ANK3: variants seen among roughly 807,000 people sequenced by gnomAD.
ANK3 encodes ankyrin-3.
Under a neutral mutation model 370.9 loss-of-function variants are expected in ANK3, and 57 were observed. That is an observed-to-expected ratio of 0.15 (90% CI 0.12 to 0.19). The LOEUF is 0.19. Among genes scored for constraint, ANK3 ranks in the 10% least tolerant of loss-of-function variants. The pLI is 1.00. For missense variants in ANK3, 4,439 were observed against 5,302.1 expected, an observed-to-expected ratio of 0.84 and a Z score of 5.06; for synonymous variants, 1,929 against 1,946.3, an observed-to-expected ratio of 0.99 and a Z score of 0.23.
chr10:60,379,567 A>C (rs2061278693), intron 1 of ANK3, among the ~76,000 whole-genome samples: 1 of 152,174 alleles, frequency 6.6e-6, no homozygotes, highest in African/African-American at 2.4e-5. Context: ...CATTTGTAGC[A>C]ACATGGGCAG....
At chr10:60,159,168 C>T (rs1480573160) in intron 23 of ANK3, among the ~76,000 whole-genome samples, 1 of 152,026 alleles carries the variant, frequency 6.6e-6, no homozygotes, top group Non-Finnish European at 1.5e-5. Flanking sequence ...AAAAACAAGA[C>T]TGAACGATAT....
chr10:60,386,891 G>A (rs2062426666), intron 1 of ANK3, among the ~76,000 whole-genome samples: 1 of 152,156 alleles, frequency 6.6e-6, no homozygotes, highest in Non-Finnish European at 1.5e-5. Context: ...CCGGTGTGGT[G>A]GCTCACGCCT....
At chr10:60,136,344 G>A (rs1184193500) in intron 24 of ANK3, among the ~76,000 whole-genome samples, 1 of 152,164 alleles carries the variant, frequency 6.6e-6, no homozygotes, top group Non-Finnish European at 1.5e-5. Flanking sequence ...GTAACTATAG[G>A]TGGCTAGTGG....
chr10:60,274,878 T>A (rs1202078206), intron 4 of ANK3, among the ~76,000 whole-genome samples: 1 of 152,226 alleles, frequency 6.6e-6, no homozygotes, highest in Non-Finnish European at 1.5e-5. Flanking sequence ...CATAACCATT[T>A]AGTTATGATT....
At chr10:60,441,025 G>C (rs1044478834) in intron 2 of ANK3, among the ~76,000 whole-genome samples, 3 of 152,164 alleles carry the variant, frequency 2.0e-5, no homozygotes, top group African/African-American at 7.2e-5. Context: ...GCTGATTTAG[G>C]AGTATTGCCT....
intron 2 of ANK3, among the ~76,000 whole-genome samples, chr10:60,516,932 CTA>C (rs2076233001): frequency 6.6e-6 from 1 of 152,010 alleles, no homozygotes; most frequent in Non-Finnish European, 1.5e-5. Context: ...TCGTTGCAGA[CTA>C]AGGAAAATAC....
At chr10:60,686,879 T>C (rs1001544451) in intron 1 of ANK3, among the ~76,000 whole-genome samples, 1 of 152,154 alleles carries the variant, frequency 6.6e-6, no homozygotes, top group Non-Finnish European at 1.5e-5. Context: ...CCCTGCAAAA[T>C]AGAGTAAAGT....
chr10:60,549,611 G>A (rs1429934961), intron 2 of ANK3, among the ~76,000 whole-genome samples: 1 of 152,032 alleles, frequency 6.6e-6, no homozygotes, highest in Non-Finnish European at 1.5e-5. Flanking sequence ...ACATGAATCT[G>A]CCCAGAATTC....
At chr10:60,314,962 C>T (rs78254522) in intron 1 of ANK3, among the ~76,000 whole-genome samples, 2,578 of 152,318 alleles carry the variant, frequency 0.017, 27 homozygotes, top group Non-Finnish European at 0.028. Flanking sequence ...AAAGTTCTTA[C>T]GTTGGCTTAG....
intron 1 of ANK3, among the ~76,000 whole-genome samples, chr10:60,648,876 CTG>C (rs1272817522): frequency 6.6e-6 from 1 of 150,894 alleles, no homozygotes; most frequent in East Asian, 1.9e-4. Context: ...GCTCCTGCTC[CTG>C]CTCCTGCTCC....
chr10:60,152,479 G>A (rs2095175280), intron 23 of ANK3, among the ~76,000 whole-genome samples: 1 of 151,990 alleles, frequency 6.6e-6, no homozygotes, highest in African/African-American at 2.4e-5. Context: ...ATGAGTATTA[G>A]GATGAAATAA....
chr10:60,349,192 T>C (rs1457638783), intron 1 of ANK3, among the ~76,000 whole-genome samples: 1 of 152,228 alleles, frequency 6.6e-6, no homozygotes, highest in Non-Finnish European at 1.5e-5. Context: ...ATTTTGCTTT[T>C]CATTTGCTAC....
rs2079877847 is a variant in ANK3, at chr10:60,059,351, T to A, written c.12675A>T (p.Arg4225=). The A allele has an allele frequency of 6.2e-7, 1 of 1,614,040 alleles. No individual in the cohort carries two copies. The highest frequency in any genetic ancestry group is 8.5e-7 in the Non-Finnish European group (1 of 1,179,934). ...TGAAACAGCCATACCTGTCATCCAG[T>A]CGATCTAGTAACCCACCAGTTACTC... The part of the protein sequence containing the change: ...ARRVTGGLLD[R]LDDSPDQCRD... Residue 4225 remains arginine (R), a synonymous_variant, in exon 41 of 44, where the codon CGA becomes CGT. Coordinates refer to ENST00000280772, the MANE Select transcript of ANK3 (RefSeq NM_020987.5).
rs550132966 is a variant in ANK3 at position 60,097,367 on chromosome 10, C to T, written c.3328+8538G>A. On this transcript the variant is annotated intron_variant, in intron 28 of 43. Transcript: ENST00000280772. ...TGAATAGATTTGCAAATGCCGTGGT[C>T]GAAAAGGTGACCTGACTTCTCATTG... 7.2e-5 allele frequency among the ~76,000 whole-genome samples: 11 copies of T among 152,188 alleles called. No individual in the cohort carries two copies. In the East Asian group the frequency reaches 1.7e-3, roughly 24 times the overall value.
At position 60,387,452 on chromosome 10, in the gene ANK3, G is replaced by A. The variant is rs75117621; in HGVS notation, c.114+1973C>T. Among the ~76,000 whole-genome samples, 10 of 151,364 alleles carry A rather than the reference G, an allele frequency of 6.6e-5. No individual in the cohort carries two copies. In the East Asian group the frequency reaches 2.0e-3, roughly 30 times the overall value. ...GTCTTAACTTTGTACATTACAAGTA[G>A]TATATGAAATAATTGGACTATGAAT... On this transcript the variant is annotated intron_variant, in intron 1 of 43. Coordinates refer to ENST00000280772, the MANE Select transcript of ANK3 (RefSeq NM_020987.5).
chr10:60,347,322 A>G (rs1301250106), intron 1 of ANK3, among the ~76,000 whole-genome samples: 1 of 151,914 alleles, frequency 6.6e-6, no homozygotes, highest in East Asian at 1.9e-4. Flanking sequence ...TTGCATGCTG[A>G]AAAGGTTAAT....
At chr10:60,709,278 T>TATCTAC (rs1173848030) in intron 1 of ANK3, among the ~76,000 whole-genome samples, 1 of 5,590 alleles carries the variant, frequency 1.8e-4, no homozygotes, top group African/African-American at 5.8e-4. Context: ...CAATAGGATA[T>TATCTAC]ATCTATATCT....
chr10:60,556,193 A>T (rs182224872), intron 2 of ANK3, among the ~76,000 whole-genome samples: 2 of 152,358 alleles, frequency 1.3e-5, no homozygotes, highest in Admixed American at 1.3e-4. Flanking sequence ...AAGTTAACCA[A>T]TATGCAGAAC....
rs1256121516 is a variant in ANK3, at chr10:60,697,749, C to T, written c.57+35514G>A. On this transcript the variant is annotated intron_variant, in intron 1 of 43. Transcript: ENST00000373827. ...CCTTCCTTACACCTTATATAAAAAT[C>T]AATTCAAGATGGATTAAAGACTTAA... is the stretch of plus-strand genomic sequence containing the variant. 3.3e-3 allele frequency among the ~76,000 whole-genome samples: 494 copies of T among 151,570 alleles called. 1 individual carries two copies. The highest frequency in any genetic ancestry group is 0.011 in the African/African-American group (463 of 41,088).
Sources: allele counts gnomAD v4.1 joint callset (sites outside exome capture counted in the v4.1 genomes callset), GRCh38; gene constraint gnomAD v4.1.1; transcripts MANE v1.5; gene names NCBI Gene and HGNC (gene_info 2026-07-23, HGNC 2026-07-21).